The following NTM variants were observed in gnomAD, a reference collection of about 807,000 sequenced individuals.
The protein encoded by NTM is neurotrimin, also known as IgLON family member 2.
Under a neutral mutation model 42.1 loss-of-function variants are expected in NTM, and 13 were observed. The ratio of observed to expected loss-of-function variants is 0.31; its 90% confidence interval spans 0.20 to 0.49. NTM has a LOEUF of 0.49. Ranked by LOEUF, NTM falls within the 20% of genes least tolerant of loss-of-function variation. The probability of loss-of-function intolerance (pLI) is 0.99; values close to 1 mark genes in which losing one functional copy is unlikely to be tolerated. For missense variants in NTM, 373 were observed against 452.8 expected, an observed-to-expected ratio of 0.82 and a Z score of 1.60; for synonymous variants, 187 against 179.2, an observed-to-expected ratio of 1.04 and a Z score of -0.35.
intron 2 of NTM, among the ~76,000 whole-genome samples, chr11:131,992,194 A>T (rs2067148162): frequency 6.6e-6 from 1 of 150,866 alleles, no homozygotes; most frequent in Middle Eastern, 3.4e-3. Context: ...GAGTTTTATG[A>T]TGATTAACTT....
intron 7 of NTM, among the ~76,000 whole-genome samples, chr11:132,315,947 TTTTTGGCA>T (rs1466823689): frequency 6.6e-6 from 1 of 151,046 alleles, no homozygotes; most frequent in African/African-American, 2.5e-5. Context: ...CCTTTTTGCC[TTTTTGGCA>T]GGCGTCTGTC....
chr11:131,460,720 T>C (rs1172774626), intron 1 of NTM, among the ~76,000 whole-genome samples: 1 of 152,078 alleles, frequency 6.6e-6, no homozygotes, highest in African/African-American at 2.4e-5. Context: ...GCCTGGCTAA[T>C]TCTTTGTATT....
intron 1 of NTM, among the ~76,000 whole-genome samples, chr11:131,704,981 G>A (rs1309453702): frequency 6.6e-6 from 1 of 152,026 alleles, no homozygotes; most frequent in Non-Finnish European, 1.5e-5. Context: ...GGACTTACAG[G>A]ACACAATCAA....
intron 2 of NTM, among the ~76,000 whole-genome samples, chr11:132,056,385 C>A (rs1240119940): frequency 1.3e-5 from 2 of 152,190 alleles, no homozygotes; most frequent in Non-Finnish European, 2.9e-5. Context: ...TGTAGCAGTT[C>A]ATTGGCAGAG....
At chr11:132,326,146 A>G (rs1457400780) in intron 7 of NTM, among the ~76,000 whole-genome samples, 5 of 152,286 alleles carry the variant, frequency 3.3e-5, no homozygotes, top group Middle Eastern at 3.4e-3. Flanking sequence ...GTGCACATGT[A>G]CCCTAAAACT....
intron 1 of NTM, among the ~76,000 whole-genome samples, chr11:131,703,057 A>G (rs1330205926): frequency 6.6e-6 from 1 of 152,196 alleles, no homozygotes; most frequent in Non-Finnish European, 1.5e-5. Flanking sequence ...ATAGATCCCA[A>G]CTCTTGGATT....
chr11:132,198,279 C>T (rs528694258), intron 3 of NTM, among the ~76,000 whole-genome samples: 10 of 152,308 alleles, frequency 6.6e-5, no homozygotes, highest in Non-Finnish European at 1.3e-4. Context: ...AGTCTTGGCT[C>T]ACTGCAGCCT....
At chr11:131,867,760 GTGTA>G (rs778406074) in intron 1 of NTM, among the ~76,000 whole-genome samples, 1 of 152,184 alleles carries the variant, frequency 6.6e-6, no homozygotes, top group Non-Finnish European at 1.5e-5. Context: ...ATATGCCTGT[GTGTA>G]TGATGCGGGC....
intron 3 of NTM, among the ~76,000 whole-genome samples, chr11:132,163,950 C>T (rs1431981865): frequency 6.6e-6 from 1 of 152,064 alleles, no homozygotes; most frequent in African/African-American, 2.4e-5. Context: ...TTGAGAACCA[C>T]TGTCCTAATT....
intron 2 of NTM, among the ~76,000 whole-genome samples, chr11:131,921,189 T>C (rs1158038979): frequency 6.6e-6 from 1 of 152,208 alleles, no homozygotes; most frequent in Non-Finnish European, 1.5e-5. Context: ...GCTTACAATG[T>C]GACTTTATTT....
chr11:131,671,658 A>C, intron 1 of NTM: 25 of 954,380 alleles, frequency 2.6e-5, no homozygotes, highest in Non-Finnish European at 3.1e-5. Flanking sequence ...ACCAAGACTC[A>C]GCGGTATAGG....
chr11:131,990,428 G>T (rs1025679790), intron 2 of NTM, among the ~76,000 whole-genome samples: 1 of 152,022 alleles, frequency 6.6e-6, no homozygotes, highest in Non-Finnish European at 1.5e-5. Flanking sequence ...GTTCAAGGTA[G>T]TTCTCACTGT....
intron 2 of NTM, among the ~76,000 whole-genome samples, chr11:132,015,228 T>C (rs2073171985): frequency 6.6e-6 from 1 of 152,098 alleles, no homozygotes; most frequent in Non-Finnish European, 1.5e-5. Flanking sequence ...TTCTGAGTTC[T>C]GTATAATGCT....
At chr11:131,409,583 G>A (rs1181181048) in intron 1 of NTM, among the ~76,000 whole-genome samples, 2 of 152,246 alleles carry the variant, frequency 1.3e-5, no homozygotes, top group Non-Finnish European at 2.9e-5. Context: ...GGCCTGCTGA[G>A]TGGAGTGACC....
intron 1 of NTM, among the ~76,000 whole-genome samples, chr11:131,606,222 A>T (rs576378423): frequency 5.3e-5 from 8 of 152,126 alleles, no homozygotes; most frequent in Admixed American, 1.3e-4. Flanking sequence ...TGGTGTATTT[A>T]AAAAAATTTG....
chr11:131,888,449 A>G (rs886305338), intron 1 of NTM, among the ~76,000 whole-genome samples: 1 of 152,110 alleles, frequency 6.6e-6, no homozygotes, highest in South Asian at 2.1e-4. Context: ...CTCCTGCCTT[A>G]GGAAGTGAGC....
At chr11:132,046,394 A>G (rs2077995219) in intron 2 of NTM, among the ~76,000 whole-genome samples, 1 of 152,022 alleles carries the variant, frequency 6.6e-6, no homozygotes, top group Non-Finnish European at 1.5e-5. Context: ...AAGAAAAAAA[A>G]AAACCCACCC....
intron 1 of NTM, among the ~76,000 whole-genome samples, chr11:131,747,062 G>A (rs577181191): frequency 4.6e-4 from 70 of 152,268 alleles, no homozygotes; most frequent in Non-Finnish European, 9.4e-4. Flanking sequence ...ATACATATAT[G>A]TTAAGATTAT....
At chr11:132,211,824 G>T in intron 3 of NTM, 198 bp from the exon 4 acceptor site, 1 of 415,242 alleles carries the variant, frequency 2.4e-6, no homozygotes, top group Non-Finnish European at 4.3e-6. Context: ...CCCTGACTTT[G>T]TGTTTAAATA....
Sources: allele counts gnomAD v4.1 joint callset (sites outside exome capture counted in the v4.1 genomes callset), GRCh38; gene constraint gnomAD v4.1.1; transcripts MANE v1.5; gene names NCBI Gene and HGNC (gene_info 2026-07-23, HGNC 2026-07-21).